Variants in RANBP2 observed in about 807,000 individuals in gnomAD.
RANBP2 encodes the protein RAN binding protein 2.
In RANBP2, 57 loss-of-function variants were observed where a neutral mutation model predicts 303.6. That is an observed-to-expected ratio of 0.19 (90% confidence interval 0.15 to 0.23). The LOEUF (loss-of-function observed/expected upper bound fraction) is 0.23, where lower values mean the gene tolerates loss of function less well. Ranked by LOEUF, RANBP2 falls within the 10% of genes least tolerant of loss-of-function variation. The pLI, the probability that RANBP2 is intolerant of heterozygous loss-of-function variation, is 1.00. For synonymous variants in RANBP2, 1,167 were observed against 1,301.5 expected, an observed-to-expected ratio of 0.90 and a Z score of 2.23; for missense variants, 3,138 against 3,780.8, an observed-to-expected ratio of 0.83 and a Z score of 4.46.
the RANBP2 span, among the ~76,000 whole-genome samples, chr2:108,903,306 CA>C: frequency 6.6e-6 from 1 of 152,042 alleles, no homozygotes. Flanking sequence ...ATAAAGATGT[CA>C]AATCTTCCCA....
chr2:109,703,460 G>T, the RANBP2 span, among the ~76,000 whole-genome samples: 1 of 152,110 alleles, frequency 6.6e-6, no homozygotes, highest in Non-Finnish European at 1.5e-5. Context: ...ATGGAGTCTC[G>T]CTCTGTCGCC....
At chr2:109,137,332 A>G in the RANBP2 span, among the ~76,000 whole-genome samples, 1 of 152,176 alleles carries the variant, frequency 6.6e-6, no homozygotes, top group Non-Finnish European at 1.5e-5. Flanking sequence ...AAAGAAGATG[A>G]TGAGGCAGGT....
At chr2:108,990,515 G>A in the RANBP2 span, among the ~76,000 whole-genome samples, 36 of 151,280 alleles carry the variant, frequency 2.4e-4, no homozygotes, top group African/African-American at 8.8e-4. Context: ...AGAATTGTTC[G>A]AACCCAGGAG....
chr2:109,565,936 GAA>G, the RANBP2 span: 1 of 1,259,138 alleles, frequency 7.9e-7, no homozygotes, highest in Non-Finnish European at 1.2e-6. Flanking sequence ...ATGTGAGAGA[GAA>G]GAGAATAATT....
the RANBP2 span, among the ~76,000 whole-genome samples, chr2:108,841,781 C>T: frequency 6.6e-6 from 1 of 151,926 alleles, no homozygotes. Flanking sequence ...ATTTTTTTAA[C>T]TACTGGGTGG....
chr2:108,807,779 G>A, the RANBP2 span, among the ~76,000 whole-genome samples: 3 of 151,950 alleles, frequency 2.0e-5, no homozygotes, highest in African/African-American at 7.2e-5. Flanking sequence ...CACCACACCT[G>A]GCTAATTTTT....
chr2:108,872,582 G>C, the RANBP2 span, among the ~76,000 whole-genome samples: 1 of 152,114 alleles, frequency 6.6e-6, no homozygotes, highest in Non-Finnish European at 1.5e-5. Flanking sequence ...GTATATTCTA[G>C]AGGCTGGGAA....
At chr2:109,127,778 G>A in the RANBP2 span, 1 of 152,234 alleles carries the variant, frequency 6.6e-6, no homozygotes, top group Non-Finnish European at 1.5e-5. Flanking sequence ...GAGCCCAAGA[G>A]TTTGAGGCTG....
the RANBP2 span, chr2:109,564,534 A>T: frequency 9.3e-6 from 14 of 1,497,476 alleles, no homozygotes; most frequent in Non-Finnish European, 9.9e-6. Flanking sequence ...TTCATTTTCC[A>T]CTAGCCAAAA....
the RANBP2 span, among the ~76,000 whole-genome samples, chr2:108,921,666 C>G: frequency 6.6e-6 from 1 of 152,200 alleles, no homozygotes; most frequent in Non-Finnish European, 1.5e-5. Context: ...TGGGCAGGTG[C>G]TCTGAGTAAA....
chr2:109,761,782 T>C, the RANBP2 span, among the ~76,000 whole-genome samples: 1 of 147,934 alleles, frequency 6.8e-6, no homozygotes, highest in Non-Finnish European at 1.5e-5. Context: ...GGAACAAGCA[T>C]ATTAACTGCA....
chr2:109,604,481 C>G, the RANBP2 span, among the ~76,000 whole-genome samples: 3 of 148,668 alleles, frequency 2.0e-5, no homozygotes, highest in Non-Finnish European at 4.4e-5. Flanking sequence ...AATCCTAGCA[C>G]TTTGGGAGGC....
At chr2:109,394,689 C>T in the RANBP2 span, among the ~76,000 whole-genome samples, 1 of 152,240 alleles carries the variant, frequency 6.6e-6, no homozygotes, top group South Asian at 2.1e-4. Context: ...GGGACGTCCA[C>T]CTGATAAACA....
the RANBP2 span, among the ~76,000 whole-genome samples, chr2:109,123,579 C>G: frequency 2.0e-5 from 3 of 152,338 alleles, no homozygotes; most frequent in East Asian, 5.8e-4. Flanking sequence ...AAAATATAGA[C>G]TCAAGTCCCC....
the RANBP2 span, among the ~76,000 whole-genome samples, chr2:109,457,298 T>C: frequency 5.9e-5 from 9 of 152,342 alleles, no homozygotes; most frequent in South Asian, 1.9e-3. Context: ...CCGAGGCTTC[T>C]CTAAAAGATC....
At chr2:108,819,193 G>C in the RANBP2 span, among the ~76,000 whole-genome samples, 2 of 152,162 alleles carry the variant, frequency 1.3e-5, no homozygotes. Flanking sequence ...CAGTTGAGAA[G>C]CTGCAGCACT....
chr2:109,307,259 T>C, the RANBP2 span, among the ~76,000 whole-genome samples: 1 of 152,194 alleles, frequency 6.6e-6, no homozygotes, highest in Non-Finnish European at 1.5e-5. Context: ...TGTAGCCACA[T>C]TGATTTAATT....
At chr2:109,287,975 T>C in the RANBP2 span, among the ~76,000 whole-genome samples, 5 of 152,256 alleles carry the variant, frequency 3.3e-5, no homozygotes, top group Non-Finnish European at 7.3e-5. Context: ...CAAGTTCTTA[T>C]TTGAAAGGCG....
chr2:108,721,884 G>A (rs572273294), intron 1 of RANBP2, among the ~76,000 whole-genome samples: 1 of 152,052 alleles, frequency 6.6e-6, no homozygotes, highest in East Asian at 1.9e-4. Flanking sequence ...TGAGACTACA[G>A]GCATGTGCCA....
Sources: gnomAD v4.1 joint callset for allele counts (sites outside exome capture counted in the v4.1 genomes callset) on GRCh38, gnomAD v4.1.1 for gene constraint, MANE v1.5 for transcripts, NCBI Gene and HGNC (gene_info 2026-07-23, HGNC 2026-07-21) for gene names.